DLGAP2: variants seen among roughly 807,000 people sequenced by gnomAD.
DLGAP2 encodes the protein DLG associated protein 2.
DLGAP2 carries 26 observed loss-of-function variants against 100.3 expected under a neutral mutation model. That is an observed-to-expected ratio of 0.26 (90% CI 0.19 to 0.36). The LOEUF is 0.36. DLGAP2 is among the 10% of genes least tolerant of loss of function. The pLI, the probability that DLGAP2 is intolerant of heterozygous loss-of-function variation, is 1.00. For missense variants in DLGAP2, 1,858 were observed against 1,453.2 expected (o/e 1.28, Z -4.53); for synonymous variants, 886 against 630.1 (o/e 1.41, Z -6.08).
At chr8:1,092,436 C>T (rs1804216875) in intron 2 of DLGAP2, among the ~76,000 whole-genome samples, 1 of 152,178 alleles carries the variant, frequency 6.6e-6, no homozygotes, top group Non-Finnish European at 1.5e-5. Flanking sequence ...GGTTGGACTT[C>T]GCACTTTCCC....
At chr8:1,274,285 C>G (rs1022313106) in intron 3 of DLGAP2, among the ~76,000 whole-genome samples, 1 of 152,122 alleles carries the variant, frequency 6.6e-6, no homozygotes, top group Non-Finnish European at 1.5e-5. Flanking sequence ...TGGAATGACG[C>G]ACGCATGACA....
chr8:1,004,533 G>T (rs1584964857), intron 2 of DLGAP2, among the ~76,000 whole-genome samples: 1 of 152,294 alleles, frequency 6.6e-6, no homozygotes, highest in Middle Eastern at 3.4e-3. Context: ...TTGTCATCTG[G>T]AATCTCCCTT....
At chr8:833,401 G>T (rs995251733) in intron 1 of DLGAP2, among the ~76,000 whole-genome samples, 1 of 152,216 alleles carries the variant, frequency 6.6e-6, no homozygotes, top group Non-Finnish European at 1.5e-5. Flanking sequence ...AGCCAGGCCA[G>T]CTCCTCTTGA....
intron 3 of DLGAP2, among the ~76,000 whole-genome samples, chr8:1,448,281 G>A (rs1413041785): frequency 6.6e-6 from 1 of 152,076 alleles, no homozygotes; most frequent in Non-Finnish European, 1.5e-5. Context: ...ATTCTGGTAT[G>A]TTGTGTCTTT....
intron 2 of DLGAP2, among the ~76,000 whole-genome samples, chr8:978,238 C>G (rs1800222518): frequency 3.6e-5 from 3 of 82,208 alleles, no homozygotes; most frequent in Admixed American, 1.3e-4. Flanking sequence ...GGGTTCTGGT[C>G]TTTGGTGTTG....
chr8:1,664,266 C>G (rs983578355), intron 8 of DLGAP2, among the ~76,000 whole-genome samples: 1 of 152,124 alleles, frequency 6.6e-6, no homozygotes, highest in Admixed American at 6.5e-5. Context: ...GTCTACTAGC[C>G]CTTCCCGTGG....
rs1563094345 is a variant in DLGAP2, at chr8:917,229, C to CCCTCCCTT, written c.73+9266_73+9267insCCCTTCCT. On this transcript the variant is annotated intron_variant, in intron 2 of 14. Coordinates refer to ENST00000637795, the MANE Select transcript of DLGAP2 (RefSeq NM_001346810.2). ...TCCCTCCCTCCATCCCTCCCTCCCT[C>CCCTCCCTT]CCTTCCTTCCTTCCTTCCTTCCTTT... Among the ~76,000 whole-genome samples, 15 of 138,184 alleles carry CCCTCCCTT rather than the reference C, an allele frequency of 1.1e-4. No homozygotes were observed. In the East Asian group the frequency reaches 2.1e-3, roughly 19 times the overall value. The allele number at this position is 138,184 out of a possible 152,430, so 90.7% of individuals were successfully genotyped here. A position where few individuals can be genotyped will look rare whatever the true frequency, so the allele number is the denominator to read the frequency against.
At chr8:1,621,487 G>A (rs1270165121) in intron 6 of DLGAP2, 3 of 152,330 alleles carry the variant, frequency 2.0e-5, no homozygotes, top group Non-Finnish European at 4.4e-5. Context: ...ACCCAAGCCA[G>A]CGTCATGCAT....
intron 2 of DLGAP2, among the ~76,000 whole-genome samples, chr8:987,456 A>G (rs1800520562): frequency 6.6e-6 from 1 of 152,172 alleles, no homozygotes; most frequent in Admixed American, 6.5e-5. Flanking sequence ...TCAGGTCTCC[A>G]GAGACCACAG....
chr8:1,337,438 A>G (rs62486252), intron 3 of DLGAP2, among the ~76,000 whole-genome samples: 11 of 105,034 alleles, frequency 1.0e-4, no homozygotes, highest in Non-Finnish European at 1.5e-4. Context: ...GATGGTGATG[A>G]TGATGATGGT....
chr8:1,183,322 C>G (rs540314017), intron 2 of DLGAP2, among the ~76,000 whole-genome samples: 1 of 152,156 alleles, frequency 6.6e-6, no homozygotes, highest in African/African-American at 2.4e-5. Context: ...CATGGGAAAA[C>G]AGCCAATTTG....
intron 3 of DLGAP2, among the ~76,000 whole-genome samples, chr8:1,308,585 G>A (rs1800544665): frequency 6.6e-6 from 1 of 152,222 alleles, no homozygotes; most frequent in Non-Finnish European, 1.5e-5. Flanking sequence ...GAGTGCAGTG[G>A]TGTGATCTCA....
chr8:1,654,704 C>G (rs1798245300), intron 8 of DLGAP2, among the ~76,000 whole-genome samples: 1 of 151,046 alleles, frequency 6.6e-6, no homozygotes, highest in African/African-American at 2.4e-5. Flanking sequence ...TTGTGTCCTA[C>G]TTATCAATTG....
intron 2 of DLGAP2, among the ~76,000 whole-genome samples, chr8:1,172,387 G>T (rs11136353): frequency 0.2 from 30,131 of 149,788 alleles, 3,172 homozygotes; most frequent in East Asian, 0.33. Flanking sequence ...TCGAGGAGTA[G>T]CTTTGTGGCG....
At chr8:1,025,957 C>T (rs548555593) in intron 2 of DLGAP2, among the ~76,000 whole-genome samples, 1 of 152,340 alleles carries the variant, frequency 6.6e-6, no homozygotes, top group South Asian at 2.1e-4. Flanking sequence ...ACCTGGGACG[C>T]ACATCTGGGC....
intron 4 of DLGAP2, among the ~76,000 whole-genome samples, chr8:1,503,524 C>G (rs1799796881): frequency 6.6e-6 from 1 of 152,130 alleles, no homozygotes; most frequent in Non-Finnish European, 1.5e-5. Context: ...CCTCCGTGGA[C>G]AGACCCCGGG....
intron 12 of DLGAP2, among the ~76,000 whole-genome samples, chr8:1,683,960 A>ATATATGTGTG (rs1799041659): frequency 1.5e-5 from 1 of 65,614 alleles, no homozygotes; most frequent in African/African-American, 8.9e-5. Flanking sequence ...GTGTGTATAT[A>ATATATGTGTG]TATATATATA....
intron 2 of DLGAP2, among the ~76,000 whole-genome samples, chr8:1,224,328 A>C (rs1057254413): frequency 6.6e-6 from 1 of 152,242 alleles, no homozygotes; most frequent in African/African-American, 2.4e-5. Context: ...AACTACCGTC[A>C]AGTAGGAAAA....
intron 3 of DLGAP2, among the ~76,000 whole-genome samples, chr8:1,439,306 G>A (rs1407218749): frequency 1.3e-5 from 2 of 152,210 alleles, no homozygotes; most frequent in African/African-American, 4.8e-5. Flanking sequence ...GAGGCTGTGG[G>A]GGTTTTAGGA....
Sources: allele counts gnomAD v4.1 joint callset (sites outside exome capture counted in the v4.1 genomes callset), GRCh38; gene constraint gnomAD v4.1.1; transcripts MANE v1.5; gene names NCBI Gene and HGNC (gene_info 2026-07-23, HGNC 2026-07-21).